Variants in MAML3 observed in about 807,000 individuals in gnomAD.
MAML3 encodes the protein mastermind like transcriptional coactivator 3.
Under a neutral mutation model 101.9 loss-of-function variants are expected in MAML3, and 27 were observed. That is an observed-to-expected ratio of 0.27 (90% CI 0.20 to 0.37). The LOEUF is 0.37. MAML3 is among the 10% of genes least tolerant of loss of function. The pLI, the probability that MAML3 is intolerant of heterozygous loss-of-function variation, is 1.00. For missense variants in MAML3, 1,316 were observed against 1,444.9 expected, an observed-to-expected ratio of 0.91 and a Z score of 1.45; for synonymous variants, 501 against 555.9, an observed-to-expected ratio of 0.90 and a Z score of 1.39.
intron 1 of MAML3, among the ~76,000 whole-genome samples, chr4:139,955,275 T>A (rs754712658): frequency 7.2e-4 from 109 of 152,272 alleles, no homozygotes; most frequent in Middle Eastern, 3.4e-3. Context: ...ATTTGCTAAA[T>A]TTTTAAAATA....
chr4:140,018,233 C>T (rs777281002), intron 1 of MAML3, among the ~76,000 whole-genome samples: 2 of 152,054 alleles, frequency 1.3e-5, no homozygotes, highest in Non-Finnish European at 2.9e-5. Flanking sequence ...TGTAACCGCA[C>T]AAAAGCCAAA....
At chr4:140,042,772 G>T (rs9917873) in intron 1 of MAML3, among the ~76,000 whole-genome samples, 7 of 152,126 alleles carry the variant, frequency 4.6e-5, no homozygotes, top group African/African-American at 1.7e-4. Flanking sequence ...AAGGGACTGC[G>T]GAGCTTCCTG....
intron 2 of MAML3, among the ~76,000 whole-genome samples, chr4:139,826,048 C>T (rs1455553937): frequency 1.3e-5 from 2 of 152,064 alleles, no homozygotes; most frequent in East Asian, 1.9e-4. Flanking sequence ...GGGTATCTGT[C>T]GTGGATCTTC....
intron 2 of MAML3, among the ~76,000 whole-genome samples, chr4:139,846,124 A>T (rs894225173): frequency 6.6e-6 from 1 of 152,148 alleles, no homozygotes; most frequent in Non-Finnish European, 1.5e-5. Context: ...GCAAATCTTG[A>T]TAGATCATTT....
intron 1 of MAML3, among the ~76,000 whole-genome samples, chr4:140,068,145 T>C (rs530937202): frequency 2.0e-5 from 3 of 152,284 alleles, no homozygotes; most frequent in Admixed American, 2.0e-4. Context: ...GTCCAAGTGG[T>C]CACGAGCCCA....
At chr4:140,021,174 G>A (rs547358556) in intron 1 of MAML3, among the ~76,000 whole-genome samples, 17 of 152,330 alleles carry the variant, frequency 1.1e-4, no homozygotes, top group South Asian at 4.1e-4. Flanking sequence ...AAATATGTGT[G>A]TTATTTAGGA....
At chr4:140,059,723 A>G (rs925911532) in intron 1 of MAML3, among the ~76,000 whole-genome samples, 11 of 152,210 alleles carry the variant, frequency 7.2e-5, no homozygotes, top group African/African-American at 2.7e-4. Flanking sequence ...ACTGACCTAT[A>G]TAATTTTAAG....
intron 1 of MAML3, among the ~76,000 whole-genome samples, chr4:140,047,052 TGA>T (rs1418706649): frequency 6.6e-6 from 1 of 152,082 alleles, no homozygotes; most frequent in Non-Finnish European, 1.5e-5. Flanking sequence ...AGATGCCGTC[TGA>T]GAGACTGGGA....
intron 2 of MAML3, among the ~76,000 whole-genome samples, chr4:139,880,139 C>A (rs953844925): frequency 3.3e-5 from 5 of 151,844 alleles, no homozygotes; most frequent in African/African-American, 1.2e-4. Context: ...TGCCACTGCA[C>A]TCCAGCCTGG....
At position 139,759,202 on chromosome 4, in the gene MAML3, A is replaced by G. The variant is rs1056881008; in HGVS notation, c.2080-28535T>C. Among the ~76,000 whole-genome samples, 19 of 152,262 alleles carry G rather than the reference A, an allele frequency of 1.2e-4. 1 individual carries two copies. Among genetic ancestry groups the G allele is most frequent in the African/African-American group, 4.6e-4 (19 of 41,470 alleles). On this transcript the variant is annotated intron_variant, in intron 2 of 4. Transcript: ENST00000509479. ...ACTCTCCAGCTGGATGGTACAGGGC[A>G]CAGCAGTTATGACAGAAAGAGAAGA... is the stretch of plus-strand genomic sequence containing the variant.
chr4:140,096,978 G>T (rs749276571), intron 1 of MAML3, among the ~76,000 whole-genome samples: 2 of 151,968 alleles, frequency 1.3e-5, no homozygotes, highest in Non-Finnish European at 2.9e-5. Flanking sequence ...CCTGACAAAT[G>T]AGCCATTGCT....
intron 1 of MAML3, among the ~76,000 whole-genome samples, chr4:139,926,632 T>C (rs1049688567): frequency 3.9e-5 from 6 of 152,158 alleles, no homozygotes. Context: ...AAAAAAGAAA[T>C]GCCTACTATA....
At chr4:140,131,151 G>A (rs1040579762) in intron 1 of MAML3, among the ~76,000 whole-genome samples, 3 of 152,196 alleles carry the variant, frequency 2.0e-5, no homozygotes, top group African/African-American at 7.2e-5. Flanking sequence ...TTCTGTAGTG[G>A]TGGAGGACTC....
chr4:139,829,631 A>C (rs974106958), intron 2 of MAML3, among the ~76,000 whole-genome samples: 1 of 152,224 alleles, frequency 6.6e-6, no homozygotes, highest in Non-Finnish European at 1.5e-5. Context: ...ATGACAAGAA[A>C]AATACAAATC....
chr4:139,778,179 C>A (rs376876841), intron 2 of MAML3, among the ~76,000 whole-genome samples: 1 of 152,200 alleles, frequency 6.6e-6, no homozygotes, highest in South Asian at 2.1e-4. Flanking sequence ...TAAAAGAATA[C>A]CGTGATAAAA....
At chr4:139,851,218 T>C (rs925393975) in intron 2 of MAML3, among the ~76,000 whole-genome samples, 3 of 152,218 alleles carry the variant, frequency 2.0e-5, no homozygotes, top group African/African-American at 7.2e-5. Flanking sequence ...TTCTTAAATA[T>C]ACAGCATGAC....
chr4:139,962,022 C>A (rs544738322), intron 1 of MAML3, among the ~76,000 whole-genome samples: 2 of 152,180 alleles, frequency 1.3e-5, no homozygotes, highest in East Asian at 3.9e-4. Context: ...AGGCTGGAGG[C>A]TCAGGTGGGA....
intron 1 of MAML3, among the ~76,000 whole-genome samples, chr4:139,918,955 C>G (rs1443307782): frequency 6.6e-6 from 1 of 151,970 alleles, no homozygotes; most frequent in Non-Finnish European, 1.5e-5. Flanking sequence ...AATTTAAAGC[C>G]AAATATTAGA....
At chr4:139,958,998 A>G (rs755144514) in intron 1 of MAML3, among the ~76,000 whole-genome samples, 5 of 151,970 alleles carry the variant, frequency 3.3e-5, no homozygotes, top group Non-Finnish European at 7.4e-5. Flanking sequence ...TGGGTGAGGG[A>G]TGGGATTTGC....
Sources: allele counts gnomAD v4.1 joint callset (sites outside exome capture counted in the v4.1 genomes callset), GRCh38; gene constraint gnomAD v4.1.1; transcripts MANE v1.5; gene names NCBI Gene and HGNC (gene_info 2026-07-23, HGNC 2026-07-21).